The following PLCB4 variants were observed in gnomAD, a reference collection of about 807,000 sequenced individuals.
PLCB4 encodes 1-phosphatidylinositol 4,5-bisphosphate phosphodiesterase beta-4.
Under a neutral mutation model 178.8 loss-of-function variants are expected in PLCB4, and 77 were observed. The observed-to-expected ratio is 0.43, with a 90% CI of 0.36 to 0.52. The LOEUF (loss-of-function observed/expected upper bound fraction) is 0.52, where lower values mean the gene tolerates loss of function less well. Ranked by LOEUF, PLCB4 falls within the 20% of genes least tolerant of loss-of-function variation. PLCB4 has a pLI of 0.00. For synonymous variants in PLCB4, 496 were observed against 490.8 expected (o/e 1.01, Z -0.14); for missense variants, 1,024 against 1,453.4 (o/e 0.70, Z 4.80).
At chr20:9,071,944 T>TA (rs1186122074) in intron 1 of PLCB4, among the ~76,000 whole-genome samples, 3 of 152,224 alleles carry the variant, frequency 2.0e-5, no homozygotes, top group Admixed American at 6.5e-5. Flanking sequence ...TGAGTCCCTG[T>TA]AAAACCAAGA....
chr20:9,349,723 T>C (rs748936273), intron 7 of PLCB4, among the ~76,000 whole-genome samples: 13 of 152,214 alleles, frequency 8.5e-5, no homozygotes, highest in Non-Finnish European at 1.6e-4. Context: ...GAATGCAAAA[T>C]GAATTACTCT....
rs543566750 is a variant in PLCB4, at chr20:9,136,141, A to C, written c.-79+39799A>C. Among the ~76,000 whole-genome samples, 115 of 152,218 alleles carry C rather than the reference A, an allele frequency of 7.6e-4. 1 individual carries two copies. The highest frequency in any genetic ancestry group is 1.5e-3 in the African/African-American group (61 of 41,552). The stretch of plus-strand genomic sequence containing the variant: ...ATAAATGCACACACACACACACCCC[A>C]CACACAATATCCTCACACTCTAAAG... On this transcript the variant is annotated intron_variant, in intron 2 of 39. Transcript: ENST00000378473.
chr20:9,318,658 G>A (rs2094926862), intron 4 of PLCB4, among the ~76,000 whole-genome samples: 1 of 152,112 alleles, frequency 6.6e-6, no homozygotes, highest in East Asian at 1.9e-4. Flanking sequence ...ATCTCCCAAA[G>A]TTACCTTCAT....
chr20:9,395,634 T>G lies in PLCB4; in HGVS notation c.1510+16T>G, dbSNP rs1324195879. The stretch of plus-strand genomic sequence containing the variant: ...ATCGAAAGTGGTGAGCTGTTTGCTT[T>G]TATTTTAAGTTACATGCTTTGAAAA... On this transcript the variant is annotated intron_variant, in intron 19 of 39. Coordinates refer to ENST00000378473, the MANE Select transcript of PLCB4 (RefSeq NM_001377142.1). The G allele has an allele frequency of 6.6e-7, 1 of 1,521,072 alleles. No individual in the cohort carries two copies. The highest frequency in any genetic ancestry group is 9.1e-7 in the Non-Finnish European group (1 of 1,097,272). 94.2% of individuals were successfully genotyped at this position (1,521,072 alleles called of 1,614,324 possible). A position where few individuals can be genotyped will look rare whatever the true frequency, so the allele number is the denominator to read the frequency against.
At chr20:9,287,510 T>A (rs551709624) in intron 3 of PLCB4, among the ~76,000 whole-genome samples, 1 of 152,182 alleles carries the variant, frequency 6.6e-6, no homozygotes, top group East Asian at 1.9e-4. Context: ...TAAGAACTAA[T>A]AAGCAATGAT....
At chr20:9,182,058 T>C (rs925018459) in intron 2 of PLCB4, among the ~76,000 whole-genome samples, 2 of 152,218 alleles carry the variant, frequency 1.3e-5, no homozygotes, top group African/African-American at 4.8e-5. Flanking sequence ...TTGTTCTTTG[T>C]CCATAGCGTC....
intron 7 of PLCB4, among the ~76,000 whole-genome samples, chr20:9,356,011 T>A (rs2034783123): frequency 6.6e-6 from 1 of 152,194 alleles, no homozygotes; most frequent in Admixed American, 6.5e-5. Flanking sequence ...AGATGGTATC[T>A]CATTGTGGTT....
intron 2 of PLCB4, among the ~76,000 whole-genome samples, chr20:9,132,593 A>C (rs73609428): frequency 0.022 from 3,344 of 152,322 alleles, 106 homozygotes; most frequent in African/African-American, 0.075. Flanking sequence ...TTAGTAAATT[A>C]GATCCAGTTG....
rs529871091 is a variant in PLCB4 at position 9,449,799 on chromosome 20, CTGT to C, written c.2881-3543_2881-3541del. Among the ~76,000 whole-genome samples, 7 of 152,268 alleles carry C rather than the reference CTGT, an allele frequency of 4.6e-5. No individual in the cohort carries two copies. The East Asian group carries it at 5.8e-4, about 13-fold the overall frequency. ...AGCAATTTAGCCGACAGCACCAAGA[CTGT>C]TGTTAAACTCATCAATTTTAATTCA... On this transcript the variant is annotated intron_variant, in intron 32 of 39. Coordinates refer to ENST00000378473, the MANE Select transcript of PLCB4 (RefSeq NM_001377142.1).
At chr20:9,075,495 G>T (rs2089813501) in intron 1 of PLCB4, among the ~76,000 whole-genome samples, 1 of 152,242 alleles carries the variant, frequency 6.6e-6, no homozygotes. Flanking sequence ...TAAACAAATA[G>T]TTTTAGTTTT....
chr20:9,368,192 G>A (rs766896105), intron 9 of PLCB4, among the ~76,000 whole-genome samples: 1 of 152,162 alleles, frequency 6.6e-6, no homozygotes, highest in Non-Finnish European at 1.5e-5. Context: ...CTTGGGAATG[G>A]TTCCTGCTCT....
chr20:9,081,248 A>C (rs151203585), intron 1 of PLCB4, among the ~76,000 whole-genome samples: 1 of 152,356 alleles, frequency 6.6e-6, no homozygotes, highest in African/African-American at 2.4e-5. Flanking sequence ...TTTGCACAAA[A>C]CAAATCTTAT....
At chr20:9,209,119 T>G (rs1308852975) in intron 2 of PLCB4, among the ~76,000 whole-genome samples, 3 of 152,230 alleles carry the variant, frequency 2.0e-5, no homozygotes, top group African/African-American at 7.2e-5. Flanking sequence ...TCTAGTTTCA[T>G]AAGATTTAGT....
chr20:9,387,907 A>G (rs7265537), intron 15 of PLCB4, among the ~76,000 whole-genome samples: 12,488 of 152,314 alleles, frequency 0.082, 684 homozygotes, highest in African/African-American at 0.15. Context: ...AAAGATAAAT[A>G]GAATACAGGA....
chr20:9,191,884 T>A (rs1208425176), intron 2 of PLCB4, among the ~76,000 whole-genome samples: 1 of 152,068 alleles, frequency 6.6e-6, no homozygotes, highest in Non-Finnish European at 1.5e-5. Context: ...CTGTATGTTT[T>A]TTTTTTTTTT....
At chr20:9,398,325 A>T (rs1268059887) in intron 19 of PLCB4, among the ~76,000 whole-genome samples, 2 of 152,214 alleles carry the variant, frequency 1.3e-5, no homozygotes, top group Admixed American at 6.5e-5. Context: ...GTCTTTGGAA[A>T]ATATAGTCAG....
intron 28 of PLCB4, among the ~76,000 whole-genome samples, chr20:9,427,422 C>T (rs1295390640): frequency 2.0e-5 from 3 of 150,364 alleles, no homozygotes; most frequent in Non-Finnish European, 3.0e-5. Flanking sequence ...ATCATGAAAA[C>T]TTGGCTTAAT....
chr20:9,411,990 C>T (rs2039893544), intron 25 of PLCB4, among the ~76,000 whole-genome samples: 1 of 152,234 alleles, frequency 6.6e-6, no homozygotes, highest in Non-Finnish European at 1.5e-5. Flanking sequence ...TCAGCATGCA[C>T]TCTGCCTCCC....
intron 20 of PLCB4, among the ~76,000 whole-genome samples, chr20:9,403,699 C>T (rs2039217785): frequency 6.6e-6 from 1 of 152,164 alleles, no homozygotes; most frequent in South Asian, 2.1e-4. Flanking sequence ...TAGTTGGCCA[C>T]CTTTGATTGG....
Sources: allele counts gnomAD v4.1 joint callset (sites outside exome capture counted in the v4.1 genomes callset), GRCh38; gene constraint gnomAD v4.1.1; transcripts MANE v1.5; gene names NCBI Gene and HGNC (gene_info 2026-07-23, HGNC 2026-07-21).